TMCC1: variants seen among roughly 807,000 people sequenced by gnomAD.
The protein encoded by TMCC1 is transmembrane and coiled-coil domains protein 1.
A neutral mutation model predicts 52.4 loss-of-function variants in TMCC1; 15 were observed. The ratio of observed to expected loss-of-function variants is 0.29; its 90% CI spans 0.19 to 0.44. The LOEUF is 0.44. Ranked by LOEUF, TMCC1 falls within the 20% of genes least tolerant of loss-of-function variation. The probability of loss-of-function intolerance (pLI) is 1.00; values close to 1 mark genes in which losing one functional copy is unlikely to be tolerated. For synonymous variants in TMCC1, 279 were observed against 301.9 expected (o/e 0.92, Z 0.79); for missense variants, 503 against 806.0 (o/e 0.62, Z 4.55).
chr3:129,799,778 C>T (rs559715386), intron 4 of TMCC1, among the ~76,000 whole-genome samples: 1 of 152,272 alleles, frequency 6.6e-6, no homozygotes, highest in African/African-American at 2.4e-5. Flanking sequence ...TGCCACTGCA[C>T]TCCAGCCTGG....
At chr3:129,873,191 G>A (rs891258097) in intron 2 of TMCC1, among the ~76,000 whole-genome samples, 2 of 152,030 alleles carry the variant, frequency 1.3e-5, no homozygotes, top group Non-Finnish European at 1.5e-5. Flanking sequence ...ATGAGCCACC[G>A]CGCCCAGCCT....
intron 4 of TMCC1, among the ~76,000 whole-genome samples, chr3:129,730,484 T>C (rs186566046): frequency 1.3e-5 from 2 of 152,250 alleles, no homozygotes; most frequent in Non-Finnish European, 1.5e-5. Context: ...GGTCTATTTC[T>C]GAACTTTCTA....
chr3:129,785,998 G>A (rs565744948), intron 4 of TMCC1, among the ~76,000 whole-genome samples: 3 of 146,860 alleles, frequency 2.0e-5, no homozygotes, highest in Non-Finnish European at 3.0e-5. Flanking sequence ...ATAGTGGCGC[G>A]ATGTTGGCTC....
intron 4 of TMCC1, among the ~76,000 whole-genome samples, chr3:129,721,642 C>T (rs1296311292): frequency 1.4e-5 from 2 of 147,292 alleles, no homozygotes; most frequent in Non-Finnish European, 3.0e-5. Context: ...AGGCAGATCA[C>T]GAGGTCAGGA....
intron 4 of TMCC1, among the ~76,000 whole-genome samples, chr3:129,732,768 A>C (rs1294373707): frequency 6.6e-6 from 1 of 152,220 alleles, no homozygotes; most frequent in African/African-American, 2.4e-5. Flanking sequence ...CAGAGTTTTA[A>C]GCTCTTGCTA....
chr3:129,704,492 C>G (rs186670390), intron 4 of TMCC1, among the ~76,000 whole-genome samples: 152 of 152,294 alleles, frequency 1.0e-3, no homozygotes, highest in African/African-American at 3.4e-3. Context: ...AATCTCAGCT[C>G]ACTGCAACCT....
At chr3:129,843,051 C>T (rs1157012990) in intron 2 of TMCC1, among the ~76,000 whole-genome samples, 1 of 152,104 alleles carries the variant, frequency 6.6e-6, no homozygotes, top group African/African-American at 2.4e-5. Context: ...CAAATTATAA[C>T]TAAAACAGAA....
At chr3:129,877,692 A>C (rs560942422) in intron 2 of TMCC1, among the ~76,000 whole-genome samples, 7 of 146,306 alleles carry the variant, frequency 4.8e-5, no homozygotes, top group Non-Finnish European at 7.4e-5. Flanking sequence ...GCAGTGGCGC[A>C]ATCTTGGCTC....
intron 4 of TMCC1, among the ~76,000 whole-genome samples, chr3:129,788,927 C>CA (rs2056248867): frequency 6.6e-6 from 1 of 152,080 alleles, no homozygotes; most frequent in Non-Finnish European, 1.5e-5. Flanking sequence ...TAGAATGTTA[C>CA]CTGATTTAAG....
At chr3:129,705,169 T>G (rs1003877249) in intron 4 of TMCC1, among the ~76,000 whole-genome samples, 1 of 152,176 alleles carries the variant, frequency 6.6e-6, no homozygotes, top group African/African-American at 2.4e-5. Flanking sequence ...TTCCTACCCT[T>G]GATATCTATA....
intron 4 of TMCC1, among the ~76,000 whole-genome samples, chr3:129,707,824 C>T (rs979725529): frequency 6.5e-4 from 98 of 151,678 alleles, no homozygotes; most frequent in African/African-American, 2.2e-3. Context: ...CCCAGCTACT[C>T]GGGAGGCTGA....
intron 4 of TMCC1, among the ~76,000 whole-genome samples, chr3:129,721,737 G>A (rs1426249626): frequency 6.6e-6 from 1 of 150,852 alleles, no homozygotes; most frequent in Non-Finnish European, 1.5e-5. Flanking sequence ...TTAGCTGGGC[G>A]TGGTGGCAGG....
intron 2 of TMCC1, among the ~76,000 whole-genome samples, chr3:129,873,699 A>G (rs566082908): frequency 2.6e-5 from 4 of 152,218 alleles, no homozygotes; most frequent in South Asian, 2.1e-4. Flanking sequence ...AATAAAAATA[A>G]TAAGTTTAAA....
rs1374740300 is a variant in TMCC1, at chr3:129,893,605, C to A, written c.-546G>T. Reference sequence around the variant, plus strand: ...CCCGGTCCATCCCCCACAACCACCCCCCCCTCCCGACCCTCCCCCCGCGCC... The same window carrying A: ...CCCGGTCCATCCCCCACAACCACCCACCCCTCCCGACCCTCCCCCCGCGCC... On this transcript the variant is annotated 5_prime_UTR_variant, in exon 1 of 7. Transcript: ENST00000393238. 2.0e-5 allele frequency: 3 copies of A among 152,256 alleles called. No homozygotes were observed. Among genetic ancestry groups the A allele is most frequent in the Non-Finnish European group, 2.9e-5 (2 of 67,916 alleles). 9.4% of individuals were successfully genotyped at this position (152,256 alleles called of 1,614,324 possible).
At chr3:129,806,960 GA>G (rs1472872132) in intron 4 of TMCC1, among the ~76,000 whole-genome samples, 1 of 151,970 alleles carries the variant, frequency 6.6e-6, no homozygotes, top group Non-Finnish European at 1.5e-5. Flanking sequence ...TAACTGCTAA[GA>G]AAAAGATATA....
chr3:129,781,207 T>C (rs1319885188), intron 4 of TMCC1, among the ~76,000 whole-genome samples: 1 of 152,140 alleles, frequency 6.6e-6, no homozygotes, highest in African/African-American at 2.4e-5. Flanking sequence ...TTTGGCCCCA[T>C]CAAACACCTC....
At chr3:129,818,646 G>A in intron 4 of TMCC1, among the ~76,000 whole-genome samples, 1 of 146,704 alleles carries the variant, frequency 6.8e-6, no homozygotes, top group African/African-American at 2.5e-5. Context: ...TTAAAGAAAA[G>A]TTTTAAAGAA....
In TMCC1 at chr3:129,747,276, GA is replaced by G. The variant is rs1000725777; in HGVS notation, c.577-76013del. Among the ~76,000 whole-genome samples, 27 of 151,560 alleles carry G rather than the reference GA, an allele frequency of 1.8e-4. 1 individual carries two copies. The highest frequency in any genetic ancestry group is 2.0e-4 in the Admixed American group (3 of 15,188). On this transcript the variant is annotated intron_variant, in intron 4 of 6. Transcript: ENST00000393238. The stretch of plus-strand genomic sequence containing the variant: ...ATGAAAACTATGCATTCTTTCTCCC[GA>G]AAAAAAATTCACACACATGCAAATT...
rs759494150 is a variant in TMCC1 at position 129,670,790 on chromosome 3, A to G, written c.1051T>C (p.Phe351Leu). Residue 351 changes from phenylalanine (F) to leucine (L), a missense_variant, in exon 5 of 7, where the codon TTT becomes CTT. Phe to Leu is a conservative substitution (Grantham distance 22). This residue lies in a region of TMCC1 where 73 missense variants were observed against 182.9 expected (regional missense o/e 0.40). Coordinates refer to ENST00000393238, the MANE Select transcript of TMCC1 (RefSeq NM_001017395.5). The stretch of plus-strand genomic sequence containing the variant: ...TGGGTGGCCTGGGAGAAGCTGGAAA[A>G]CCCACCTTTGACACTATCCACCACA... ...EGVVDSVKGGFSSFSQATHSA... is the reference protein window; with the variant it reads ...EGVVDSVKGGLSSFSQATHSA... The G allele has an allele frequency of 1.2e-6, 2 of 1,613,734 alleles. No homozygotes were observed. Among genetic ancestry groups the G allele is most frequent in the Non-Finnish European group, 8.5e-7 (1 of 1,179,950 alleles).
Sources: allele counts gnomAD v4.1 joint callset (sites outside exome capture counted in the v4.1 genomes callset), GRCh38; gene constraint gnomAD v4.1.1; regional missense constraint gnomAD v4.1.1; transcripts MANE v1.5; gene names NCBI Gene and HGNC (gene_info 2026-07-23, HGNC 2026-07-21).